The following TNKS variants were observed in gnomAD, a reference collection of about 807,000 sequenced individuals.
The protein encoded by TNKS is tankyrase, also known as poly [ADP-ribose] polymerase tankyrase-1.
TNKS carries 72 observed loss-of-function variants against 135.8 expected under a neutral mutation model. The observed-to-expected ratio is 0.53, with a 90% CI of 0.44 to 0.64. TNKS has a LOEUF of 0.64. TNKS is among the 30% of genes least tolerant of loss of function. The pLI, the probability that TNKS is intolerant of heterozygous loss-of-function variation, is 0.00. For missense variants in TNKS, 1,769 were observed against 1,674.0 expected (o/e 1.06, Z -0.99); for synonymous variants, 849 against 649.3 (o/e 1.31, Z -4.68).
At chr8:9,581,846 A>G (rs1798179017) in intron 2 of TNKS, among the ~76,000 whole-genome samples, 1 of 152,280 alleles carries the variant, frequency 6.6e-6, no homozygotes. Flanking sequence ...CCCTCTTTCA[A>G]AAGTCCATAA....
chr8:9,575,355 G>A (rs1394450296), intron 1 of TNKS: 2 of 982,794 alleles, frequency 2.0e-6, no homozygotes, highest in Admixed American at 6.2e-5. Context: ...TAAATTACAG[G>A]TGTGAGCCAC....
intron 26 of TNKS, among the ~76,000 whole-genome samples, chr8:9,773,242 A>C (rs761517046): frequency 4.6e-5 from 7 of 152,142 alleles, no homozygotes; most frequent in Non-Finnish European, 8.8e-5. Context: ...GTCTTATCAC[A>C]ATAAAAAATT....
chr8:9,626,598 G>A lies in TNKS; in HGVS notation c.994+10921G>A, dbSNP rs150789894. Among the ~76,000 whole-genome samples, 285 of 152,248 alleles carry A rather than the reference G, an allele frequency of 1.9e-3. 1 individual carries two copies. Among genetic ancestry groups the A allele is most frequent in the African/African-American group, 6.6e-3 (274 of 41,532 alleles). On this transcript the variant is annotated intron_variant, in intron 3 of 26. Coordinates refer to ENST00000310430, the MANE Select transcript of TNKS (RefSeq NM_003747.3). ...ACCTAGGCATGTTGAGTATTATGCT[G>A]TAAGACCCTGGATCTTACGTGAATT...
chr8:9,706,305 A>C (rs1286622736), intron 7 of TNKS, 52 bp downstream of exon 7: 1 of 1,316,210 alleles, frequency 7.6e-7, no homozygotes, highest in African/African-American at 1.6e-5. Flanking sequence ...TTTTTTCTTT[A>C]CCTTGTCATG....
At chr8:9,632,867 C>T (rs1441368559) in intron 3 of TNKS, among the ~76,000 whole-genome samples, 1 of 152,098 alleles carries the variant, frequency 6.6e-6, no homozygotes, top group Non-Finnish European at 1.5e-5. Flanking sequence ...GTAGCTGGGA[C>T]TACAGGCGCC....
rs73531227 is a variant in TNKS, at chr8:9,711,992, G to A, written c.1749+1772G>A. Among the ~76,000 whole-genome samples the A allele has an allele frequency of 3.0e-3, 452 of 152,146 alleles. 1 individual carries two copies. The highest frequency in any genetic ancestry group is 0.01 in the African/African-American group (419 of 41,490). ...TAATGCAGCACTTCCTAATAACTTC[G>A]CAAGAACATCAGTAAAGATGGAATT... On this transcript the variant is annotated intron_variant, in intron 11 of 26. Transcript: ENST00000310430.
intron 11 of TNKS, 91 bp from the exon 12 acceptor site, chr8:9,720,283 G>T (rs1804809686): frequency 1.1e-6 from 1 of 872,568 alleles, no homozygotes; most frequent in South Asian, 2.2e-5. Context: ...TTTGAAAGTT[G>T]ATTTTTTTTT....
chr8:9,669,194 G>A (rs1315893038), intron 3 of TNKS, among the ~76,000 whole-genome samples: 2 of 151,768 alleles, frequency 1.3e-5, no homozygotes, highest in Non-Finnish European at 2.9e-5. Context: ...CGAGGCGGGT[G>A]GATCATGAGG....
intron 3 of TNKS, among the ~76,000 whole-genome samples, chr8:9,634,405 A>T (rs1335168085): frequency 6.6e-6 from 1 of 152,232 alleles, no homozygotes; most frequent in East Asian, 1.9e-4. Context: ...TTTGAACGTA[A>T]TTCTTTGACT....
At chr8:9,704,045 A>G (rs1054282415) in intron 5 of TNKS, among the ~76,000 whole-genome samples, 1 of 152,224 alleles carries the variant, frequency 6.6e-6, no homozygotes, top group Non-Finnish European at 1.5e-5. Context: ...GGTACATAAA[A>G]TGGAAGAATT....
rs536170519 is a variant in TNKS, at chr8:9,620,098, C to T, written c.994+4421C>T. On this transcript the variant is annotated intron_variant, in intron 3 of 26. Transcript: ENST00000310430. ...CCAAGTAGCTGGGACTATAGGCAGG[C>T]GCCACCACGCCCAGCTAATTTTTGT... 3.3e-4 allele frequency among the ~76,000 whole-genome samples: 50 copies of T among 152,110 alleles called. No individual in the cohort carries two copies. The East Asian group carries it at 7.9e-3, about 24-fold the overall frequency.
At chr8:9,731,470 A>AC (rs1228728528) in intron 14 of TNKS, among the ~76,000 whole-genome samples, 4 of 138,986 alleles carry the variant, frequency 2.9e-5, no homozygotes, top group Admixed American at 2.8e-4. Context: ...CAAAAAAAAA[A>AC]AAAAAAAAAA....
chr8:9,678,283 G>A (rs1285751897), intron 3 of TNKS, among the ~76,000 whole-genome samples: 3 of 152,190 alleles, frequency 2.0e-5, no homozygotes, highest in Non-Finnish European at 4.4e-5. Context: ...CTCACAAGGA[G>A]CTTTTAAAGT....
intron 1 of TNKS, among the ~76,000 whole-genome samples, chr8:9,563,980 C>T (rs1387205087): frequency 6.6e-6 from 1 of 152,134 alleles, no homozygotes; most frequent in Non-Finnish European, 1.5e-5. Context: ...TTGTGCTACA[C>T]CTGCAGCTCT....
intron 2 of TNKS, among the ~76,000 whole-genome samples, chr8:9,602,931 C>A (rs992442535): frequency 6.6e-6 from 1 of 152,160 alleles, no homozygotes; most frequent in Non-Finnish European, 1.5e-5. Context: ...ATGATCAATA[C>A]TTGATCTATA....
rs1005215725 is a variant in TNKS, at chr8:9,556,399, C to G, written c.460C>G (p.Pro154Ala). The change falls in exon 1 of 27, where the codon CCC becomes GCC. Residue 154 changes from proline (P) to alanine (A), a missense_variant. Physicochemically the swap from Pro to Ala is conservative, Grantham distance 27 (BLOSUM62 -1). Around this residue, in one of 5 missense-constraint regions of TNKS, gnomAD observed 450 missense variants for 304.9 expected, o/e 1.48. Transcript: ENST00000310430. ...SSPGSSLAESPEAAGVSSTAP... is the reference protein window; with the variant it reads ...SSPGSSLAESAEAAGVSSTAP... ...CCCTGGATCGAGCTTGGCGGAGAGC[C>G]CCGAGGCGGCCGGAGTTAGCAGCAC... The G allele has an allele frequency of 2.5e-6, 4 of 1,614,098 alleles. No homozygotes were observed. The African/African-American group carries it at 4.0e-5, about 16-fold the overall frequency.
In TNKS at chr8:9,777,075, A is replaced by G. The variant is rs1216316739; in HGVS notation, c.*339A>G. 1 of 272,332 alleles carries G rather than the reference A, an allele frequency of 3.7e-6. No individual in the cohort carries two copies. The highest frequency in any genetic ancestry group is 4.9e-5 in the Admixed American group (1 of 20,528). 16.9% of individuals were successfully genotyped at this position (272,332 alleles called of 1,614,324 possible). A position where few individuals can be genotyped will look rare whatever the true frequency, so the allele number is the denominator to read the frequency against. On this transcript the variant is annotated 3_prime_UTR_variant, in exon 27 of 27. Transcript: ENST00000310430. ...ATGCTTTTTCAAATGTTCACAATTC[A>G]CACACTACATTTGTTTTGTTATGCA...
chr8:9,776,518 G>C, intron 26 of TNKS, 132 bp from the exon 27 acceptor site: 1 of 704,100 alleles, frequency 1.4e-6, no homozygotes, highest in East Asian at 2.6e-5. Flanking sequence ...AATTGTTCAG[G>C]CACCTATTAA....
chr8:9,591,896 A>G (rs1031108127), intron 2 of TNKS, among the ~76,000 whole-genome samples: 1 of 152,184 alleles, frequency 6.6e-6, no homozygotes, highest in Non-Finnish European at 1.5e-5. Flanking sequence ...TTTTAATTAC[A>G]CTGTGGAAAT....
Sources: gnomAD v4.1 joint callset for allele counts (sites outside exome capture counted in the v4.1 genomes callset) on GRCh38, gnomAD v4.1.1 for gene constraint, gnomAD v4.1.1 regional missense constraint, MANE v1.5 for transcripts, NCBI Gene and HGNC (gene_info 2026-07-23, HGNC 2026-07-21) for gene names.